SRPK2: variants seen among roughly 807,000 people sequenced by gnomAD.
The protein encoded by SRPK2 is SRSF protein kinase 2.
SRPK2 carries 21 observed loss-of-function variants against 90.8 expected under a neutral mutation model. The observed-to-expected ratio is 0.23, with a 90% confidence interval of 0.16 to 0.33. The LOEUF is 0.33. Among genes scored for constraint, SRPK2 ranks in the 10% least tolerant of loss-of-function variants. The pLI is 1.00. For synonymous variants in SRPK2, 288 were observed against 311.1 expected, an observed-to-expected ratio of 0.93 and a Z score of 0.78; for missense variants, 620 against 869.0, an observed-to-expected ratio of 0.71 and a Z score of 3.60.
rs948216236 is a variant in SRPK2 at position 105,167,400 on chromosome 7, T to C, written c.491A>G (p.Lys164Arg). The change falls in exon 6 of 16, where the codon AAG becomes AGG. Residue 164 changes from lysine to arginine, a missense_variant. This residue lies in a region of SRPK2 where 196 missense variants were observed against 339.2 expected (regional missense o/e 0.58). Coordinates refer to ENST00000393651, the MANE Select transcript of SRPK2 (RefSeq NM_182692.3). The part of the protein sequence containing the change: ...DMVVQLIDDF[K>R]ISGMNGIHVC... ...ACGTATCCCATTCATGCCTGAAATCTTGAAGTCGTCAATGAGCTGGACCAC... is the reference window on the plus strand; with the variant it reads ...ACGTATCCCATTCATGCCTGAAATCCTGAAGTCGTCAATGAGCTGGACCAC... The C allele has an allele frequency of 9.3e-6, 15 of 1,613,744 alleles. No homozygotes were observed. Among genetic ancestry groups the C allele is most frequent in the African/African-American group, 1.3e-5 (1 of 74,920 alleles).
intron 13 of SRPK2, among the ~76,000 whole-genome samples, chr7:105,127,811 C>A (rs1801423669): frequency 6.6e-6 from 1 of 152,240 alleles, no homozygotes; most frequent in East Asian, 1.9e-4. Context: ...TACTGCTCTG[C>A]TGATCAAAGA....
intron 2 of SRPK2, among the ~76,000 whole-genome samples, chr7:105,207,119 T>A (rs1326588882): frequency 6.6e-6 from 1 of 152,222 alleles, no homozygotes; most frequent in African/African-American, 2.4e-5. Flanking sequence ...AGCCAAGCCA[T>A]ACTGTCTTAG....
intron 13 of SRPK2, among the ~76,000 whole-genome samples, chr7:105,132,034 C>T (rs562007645): frequency 3.9e-5 from 6 of 152,254 alleles, no homozygotes; most frequent in Admixed American, 1.3e-4. Context: ...AATGACCAAA[C>T]GATGCCAGGC....
At position 105,143,231 on chromosome 7, in the gene SRPK2, C is replaced by T; in HGVS notation, c.913G>A (p.Glu305Lys). The stretch of plus-strand genomic sequence containing the variant: ...ATTATTTTCCTTTCAGCTTCTCGCT[C>T]CAATTCTTCTATCTCCTGCAGGCGC... ...EKRLQEIEEL[E>K]REAERKIIEE... Residue 305 changes from glutamate to lysine, a missense_variant, in exon 10 of 16, where the codon GAG (glutamate) becomes AAG (lysine). Around this residue, in one of 8 missense-constraint regions of SRPK2, gnomAD observed 196 missense variants for 339.2 expected, o/e 0.58. Transcript: ENST00000393651. 1 of 1,614,208 alleles carries T rather than the reference C, an allele frequency of 6.2e-7. No individual in the cohort carries two copies. Among genetic ancestry groups the T allele is most frequent in the Non-Finnish European group, 8.5e-7 (1 of 1,180,022 alleles).
intron 13 of SRPK2, among the ~76,000 whole-genome samples, chr7:105,130,791 C>A (rs994945099): frequency 6.6e-6 from 1 of 150,868 alleles, no homozygotes; most frequent in Non-Finnish European, 1.5e-5. Flanking sequence ...TGAATGAGGG[C>A]CTGCCCCTTT....
Position 105,141,075 on chromosome 7 carries a change from T to C in SRPK2, c.1543+933A>G, listed in dbSNP as rs987477945. On this transcript the variant is annotated intron_variant, in intron 11 of 15. Transcript: ENST00000393651. Reference sequence around the variant, plus strand: ...TTCCCAGAAATTAACCTACATTCTATGTAAGCACCTTCAAACACTCCCTGG... The same window carrying C: ...TTCCCAGAAATTAACCTACATTCTACGTAAGCACCTTCAAACACTCCCTGG... Among the ~76,000 whole-genome samples the C allele has an allele frequency of 5.3e-5, 8 of 152,310 alleles. No individual in the cohort carries two copies. In the South Asian group the frequency reaches 1.0e-3, roughly 20 times the overall value.
intron 11 of SRPK2, among the ~76,000 whole-genome samples, chr7:105,134,865 T>C (rs1802564103): frequency 6.6e-6 from 1 of 152,246 alleles, no homozygotes; most frequent in Non-Finnish European, 1.5e-5. Context: ...TATTCCCTGC[T>C]TGCTACCTTC....
intron 2 of SRPK2, among the ~76,000 whole-genome samples, chr7:105,335,863 G>A (rs1049232634): frequency 2.6e-5 from 4 of 151,998 alleles, no homozygotes; most frequent in Non-Finnish European, 5.9e-5. Context: ...GGCTGAGGCA[G>A]GAGAATTGCT....
intron 7 of SRPK2, among the ~76,000 whole-genome samples, chr7:105,151,906 C>T (rs1021392398): frequency 4.0e-5 from 6 of 151,652 alleles, no homozygotes; most frequent in Non-Finnish European, 5.9e-5. Context: ...TGCCTGTAAT[C>T]GCTGCTACTC....
At chr7:105,348,443 G>C (rs1272595168) in intron 2 of SRPK2, among the ~76,000 whole-genome samples, 3 of 76,004 alleles carry the variant, frequency 3.9e-5, no homozygotes, top group South Asian at 3.8e-4. Flanking sequence ...TTTTTTTTTT[G>C]AGATGCAGTC....
intron 2 of SRPK2, among the ~76,000 whole-genome samples, chr7:105,288,186 G>C (rs1808424300): frequency 6.6e-6 from 1 of 152,198 alleles, no homozygotes; most frequent in African/African-American, 2.4e-5. Context: ...AAAGAGACTA[G>C]CGTTAAAAAC....
chr7:105,124,639 C>CCAAAAAAAAAAAAA (rs1408558143), intron 15 of SRPK2, among the ~76,000 whole-genome samples: 1 of 8,260 alleles, frequency 1.2e-4, no homozygotes, highest in African/African-American at 2.9e-4. Context: ...AAAACTCCAT[C>CCAAAAAAAAAAAAA]TAAAAAAAAA....
Position 105,142,118 on chromosome 7 carries a change from C to T in SRPK2, c.1433G>A (p.Cys478Tyr). 6.2e-7 allele frequency: 1 copy of T among 1,614,182 alleles called. No homozygotes were observed. The highest frequency in any genetic ancestry group is 1.1e-5 in the South Asian group (1 of 91,082). Residue 478 changes from cysteine (C) to tyrosine (Y), a missense_variant, in exon 11 of 16, where the codon TGC becomes TAC. This residue lies in a region of SRPK2 where 243 missense variants were observed against 245.7 expected (regional missense o/e 0.99). Coordinates refer to ENST00000393651, the MANE Select transcript of SRPK2 (RefSeq NM_182692.3). Reference protein sequence around the residue: ...LFSGSLEPVACGSVLSEGSPL... With the variant: ...LFSGSLEPVAYGSVLSEGSPL... ...TGATCCCTCAGAAAGCACAGAGCCG[C>T]AGGCCACAGGTTCTAAGGATCCAGA...
intron 2 of SRPK2, among the ~76,000 whole-genome samples, chr7:105,307,675 T>G (rs1811284816): frequency 6.6e-6 from 1 of 152,236 alleles, no homozygotes; most frequent in South Asian, 2.1e-4. Flanking sequence ...AGAATCCAGG[T>G]AAGTTTATGT....
intron 7 of SRPK2, among the ~76,000 whole-genome samples, chr7:105,154,548 C>CG (rs1562998324): frequency 6.6e-6 from 1 of 152,098 alleles, no homozygotes; most frequent in African/African-American, 2.4e-5. Flanking sequence ...AGAGGACCTG[C>CG]GGGGCACCAC....
intron 2 of SRPK2, among the ~76,000 whole-genome samples, chr7:105,317,604 T>C (rs972289978): frequency 7.2e-5 from 11 of 152,210 alleles, no homozygotes; most frequent in South Asian, 2.1e-4. Flanking sequence ...CAGGATGGGG[T>C]TGAATATTTT....
intron 2 of SRPK2, among the ~76,000 whole-genome samples, chr7:105,333,336 GTAA>G (rs1466380740): frequency 1.3e-5 from 2 of 152,172 alleles, no homozygotes; most frequent in African/African-American, 4.8e-5. Flanking sequence ...CAAATATTAA[GTAA>G]TAACATTTAG....
At chr7:105,319,954 G>T (rs1220538455) in intron 2 of SRPK2, among the ~76,000 whole-genome samples, 1 of 150,942 alleles carries the variant, frequency 6.6e-6, no homozygotes, top group Non-Finnish European at 1.5e-5. Flanking sequence ...CCCGACTCGC[G>T]AATTGTTCAC....
chr7:105,157,178 C>T (rs1407270983), intron 7 of SRPK2, among the ~76,000 whole-genome samples: 1 of 152,104 alleles, frequency 6.6e-6, no homozygotes, highest in African/African-American at 2.4e-5. Flanking sequence ...AACAGAAATA[C>T]AAAGAACATC....
Sources: allele counts gnomAD v4.1 joint callset (sites outside exome capture counted in the v4.1 genomes callset), GRCh38; gene constraint gnomAD v4.1.1; regional missense constraint gnomAD v4.1.1; transcripts MANE v1.5; gene names NCBI Gene and HGNC (gene_info 2026-07-23, HGNC 2026-07-21).